Variants in ARL15 observed in about 807,000 individuals in gnomAD.
ARL15 encodes ADP-ribosylation factor-like protein 15.
In ARL15, 19 loss-of-function variants were observed where a neutral mutation model predicts 25.2. The ratio of observed to expected loss-of-function variants is 0.75; its 90% CI spans 0.53 to 1.10. ARL15 has a LOEUF of 1.10. Among genes scored for constraint, ARL15 ranks in the 50% least tolerant of loss-of-function variants. The pLI, the probability that ARL15 is intolerant of heterozygous loss-of-function variation, is 0.00. For missense variants in ARL15, 220 were observed against 246.0 expected, an observed-to-expected ratio of 0.89 and a Z score of 0.71; for synonymous variants, 94 against 86.8, an observed-to-expected ratio of 1.08 and a Z score of -0.46.
At chr5:54,032,370 A>G (rs1477758566) in intron 4 of ARL15, among the ~76,000 whole-genome samples, 1 of 152,062 alleles carries the variant, frequency 6.6e-6, no homozygotes, top group Admixed American at 6.6e-5. Context: ...AGTAGCTGGG[A>G]TTACACGCAT....
chr5:54,030,592 T>C lies in ARL15; in HGVS notation c.462+82610A>G, dbSNP rs540044953. Among the ~76,000 whole-genome samples, 38 of 152,276 alleles carry C rather than the reference T, an allele frequency of 2.5e-4. No homozygotes were observed. The South Asian group carries it at 7.0e-3, about 28-fold the overall frequency. On this transcript the variant is annotated intron_variant, in intron 4 of 4. Coordinates refer to ENST00000504924, the MANE Select transcript of ARL15 (RefSeq NM_019087.3). ...TGAAGCAAGGTAATTCTGGGAAGCA[T>C]CACCAGCTAATTCAAAGGTCCCGAG...
chr5:54,156,175 C>T (rs1174029550), intron 2 of ARL15, among the ~76,000 whole-genome samples: 1 of 152,082 alleles, frequency 6.6e-6, no homozygotes, highest in Admixed American at 6.6e-5. Context: ...GCATGTTATC[C>T]CAGTACTTTA....
intron 1 of ARL15, among the ~76,000 whole-genome samples, chr5:54,212,146 T>C (rs145466412): frequency 5.3e-5 from 8 of 152,284 alleles, no homozygotes; most frequent in African/African-American, 1.7e-4. Context: ...CCACAGTCAA[T>C]ACGTGGCTGT....
chr5:53,977,087 G>A (rs908342463), intron 4 of ARL15, among the ~76,000 whole-genome samples: 11 of 152,116 alleles, frequency 7.2e-5, no homozygotes, highest in African/African-American at 4.8e-5. Context: ...GGCAAGGTGC[G>A]GTGGCTCACG....
chr5:54,284,364 C>T (rs930188485), intron 1 of ARL15, among the ~76,000 whole-genome samples: 1 of 152,172 alleles, frequency 6.6e-6, no homozygotes, highest in Admixed American at 6.5e-5. Flanking sequence ...CTCGGCCTCC[C>T]AAAATGCTGG....
chr5:54,300,663 A>G (rs1758592885), intron 1 of ARL15, among the ~76,000 whole-genome samples: 1 of 152,216 alleles, frequency 6.6e-6, no homozygotes, highest in Non-Finnish European at 1.5e-5. Flanking sequence ...TCCACATCCA[A>G]TTACAAAATT....
rs570619682 is a variant in ARL15, at chr5:53,935,319, A to AT, written c.463-48607_463-48606insA. 5.0e-3 allele frequency among the ~76,000 whole-genome samples: 768 copies of AT among 152,324 alleles called. 4 individuals are homozygous for AT. The highest frequency in any genetic ancestry group is 9.7e-3 in the Non-Finnish European group (663 of 68,016). Reference sequence around the variant, plus strand: ...GAGCAGTAGCTGCCAACAAGCAGATACATGTTTGTGCAGGATGGAAGTAGT... The same window carrying AT: ...GAGCAGTAGCTGCCAACAAGCAGATATCATGTTTGTGCAGGATGGAAGTAGT... On this transcript the variant is annotated intron_variant, in intron 4 of 4. Coordinates refer to ENST00000504924, the MANE Select transcript of ARL15 (RefSeq NM_019087.3).
intron 4 of ARL15, among the ~76,000 whole-genome samples, chr5:53,991,505 G>A (rs1748492403): frequency 1.2e-5 from 1 of 82,912 alleles, no homozygotes; most frequent in Non-Finnish European, 2.3e-5. Context: ...TTGCGCCATT[G>A]CACTCTAGCC....
intron 4 of ARL15, among the ~76,000 whole-genome samples, chr5:54,110,929 A>G (rs1752721498): frequency 6.6e-6 from 1 of 152,054 alleles, no homozygotes; most frequent in African/African-American, 2.4e-5. Flanking sequence ...AGGCATTTTA[A>G]TACAGTACAC....
intron 4 of ARL15, among the ~76,000 whole-genome samples, chr5:53,961,514 A>T (rs2112151027): frequency 6.6e-6 from 1 of 151,112 alleles, no homozygotes; most frequent in African/African-American, 2.4e-5. Context: ...AAAAAAAAAA[A>T]AAAAAATCAT....
At chr5:54,263,842 C>G (rs1326873794) in intron 1 of ARL15, among the ~76,000 whole-genome samples, 1 of 152,114 alleles carries the variant, frequency 6.6e-6, no homozygotes, top group Non-Finnish European at 1.5e-5. Context: ...ACTCACACAT[C>G]TAGTTGCAAG....
intron 4 of ARL15, among the ~76,000 whole-genome samples, chr5:54,018,303 A>G (rs62372426): frequency 0.088 from 13,321 of 152,170 alleles, 783 homozygotes; most frequent in Admixed American, 0.13. Context: ...TAAGTCTTTA[A>G]TTTGGTGTTT....
At chr5:53,972,001 A>C (rs897289594) in intron 4 of ARL15, among the ~76,000 whole-genome samples, 1 of 152,206 alleles carries the variant, frequency 6.6e-6, no homozygotes, top group African/African-American at 2.4e-5. Flanking sequence ...AAAATAATCC[A>C]GTGTGGAATA....
chr5:53,972,552 G>T (rs1008543002), intron 4 of ARL15, among the ~76,000 whole-genome samples: 14 of 152,094 alleles, frequency 9.2e-5, no homozygotes, highest in Non-Finnish European at 1.6e-4. Flanking sequence ...GGTTGCACCA[G>T]GTAACATTTG....
At chr5:53,908,012 AC>A (rs1427435834) in intron 4 of ARL15, among the ~76,000 whole-genome samples, 5 of 152,212 alleles carry the variant, frequency 3.3e-5, no homozygotes, top group Non-Finnish European at 7.3e-5. Context: ...CATCACAGGC[AC>A]AAAAATGATG....
chr5:54,183,696 A>T (rs9764817), intron 1 of ARL15, among the ~76,000 whole-genome samples: 137,133 of 148,320 alleles, frequency 0.92, 63,435 homozygotes, highest in East Asian at 0.99. Context: ...GTGTGGCGAT[A>T]CCTCAGGGAT....
chr5:54,229,816 T>G (rs1398564699), intron 1 of ARL15, among the ~76,000 whole-genome samples: 1 of 152,224 alleles, frequency 6.6e-6, no homozygotes, highest in Admixed American at 6.5e-5. Context: ...TGGTCTCAAC[T>G]GGCTCTGGCC....
chr5:54,243,457 TC>T (rs1391360423), intron 1 of ARL15, among the ~76,000 whole-genome samples: 2 of 151,978 alleles, frequency 1.3e-5, no homozygotes, highest in Admixed American at 6.6e-5. Context: ...CCAGTTGAAA[TC>T]CCCCCCTCCA....
intron 1 of ARL15, among the ~76,000 whole-genome samples, chr5:54,270,980 A>G (rs1263983552): frequency 6.6e-6 from 1 of 152,228 alleles, no homozygotes; most frequent in Non-Finnish European, 1.5e-5. Context: ...GTGTCATTCT[A>G]TCTCCAGGAT....
Sources: gnomAD v4.1 joint callset for allele counts (sites outside exome capture counted in the v4.1 genomes callset) on GRCh38, gnomAD v4.1.1 for gene constraint, MANE v1.5 for transcripts, NCBI Gene and HGNC (gene_info 2026-07-23, HGNC 2026-07-21) for gene names.